The following PTCSC3 variants were observed in gnomAD, a reference collection of about 807,000 sequenced individuals.
The protein encoded by PTCSC3 is papillary thyroid carcinoma susceptibility candidate 3 (non-protein coding).
At chr14:36,135,442 C>T (rs956130725), downstream of PTCSC3, among the ~76,000 whole-genome samples, 1 of 152,150 alleles carries the variant, frequency 6.6e-6, no homozygotes, top group Non-Finnish European at 1.5e-5. Context: ...GTCAGTTTTC[C>T]TCTTTGGCTT....
rs1490165784 is a variant in PTCSC3 at position 36,143,618 on chromosome 14, C to T, written n.323-7262G>A. ...TCCCATTCTGTAGGTTGCCTGTTCACTCTGATGGTAGTTTCTTTTGCTATG... is the reference window on the plus strand; with the variant it reads ...TCCCATTCTGTAGGTTGCCTGTTCATTCTGATGGTAGTTTCTTTTGCTATG... On this transcript the variant is annotated intron_variant and non_coding_transcript_variant, in intron 3 of 3. Transcript: ENST00000556013. Among the ~76,000 whole-genome samples, 91 of 149,504 alleles carry T rather than the reference C, an allele frequency of 6.1e-4. No homozygotes were observed. In the South Asian group the frequency reaches 0.01, roughly 17 times the overall value.
chr14:36,160,421 G>A (rs567509355), intron 2 of PTCSC3, among the ~76,000 whole-genome samples: 1 of 152,152 alleles, frequency 6.6e-6, no homozygotes, highest in Non-Finnish European at 1.5e-5. Flanking sequence ...AGGCAGACCT[G>A]GTGGTGACAA....
chr14:36,149,191 G>C (rs1453304556), intron 3 of PTCSC3, among the ~76,000 whole-genome samples: 1 of 151,826 alleles, frequency 6.6e-6, no homozygotes, highest in Non-Finnish European at 1.5e-5. Context: ...TTGATAAATT[G>C]TATTTTTATT....
intron 3 of PTCSC3, among the ~76,000 whole-genome samples, chr14:36,149,484 A>G (rs1340851843): frequency 1.3e-5 from 2 of 152,228 alleles, no homozygotes; most frequent in Non-Finnish European, 1.5e-5. Flanking sequence ...AAAAATGTCA[A>G]TTAAATCCAG....
chr14:36,162,280 A>AC (rs1881979952), intron 2 of PTCSC3, among the ~76,000 whole-genome samples: 1 of 115,456 alleles, frequency 8.7e-6, no homozygotes, highest in South Asian at 2.9e-4. Flanking sequence ...AAAAAAAAAA[A>AC]AAAAACTCCT....
chr14:36,156,704 G>A (rs1399328722), intron 2 of PTCSC3, among the ~76,000 whole-genome samples: 1 of 152,038 alleles, frequency 6.6e-6, no homozygotes, highest in African/African-American at 2.4e-5. Flanking sequence ...GAGAATGATG[G>A]TTTCCAGCTT....
intron 3 of PTCSC3, among the ~76,000 whole-genome samples, chr14:36,152,419 A>C (rs1881743727): frequency 6.6e-6 from 1 of 152,154 alleles, no homozygotes; most frequent in African/African-American, 2.4e-5. Context: ...TGCACTTGTG[A>C]ATAGCCACTG....
At chr14:36,143,073 T>C (rs1208867019) in intron 3 of PTCSC3, among the ~76,000 whole-genome samples, 1 of 151,804 alleles carries the variant, frequency 6.6e-6, no homozygotes, top group African/African-American at 2.4e-5. Flanking sequence ...GACATTTGGG[T>C]TAGTTCCAAG....
intron 3 of PTCSC3, among the ~76,000 whole-genome samples, chr14:36,147,671 C>T (rs1881611800): frequency 6.6e-6 from 1 of 151,980 alleles, no homozygotes; most frequent in Non-Finnish European, 1.5e-5. Context: ...TCGTCAAAGT[C>T]ATTCTCCGTC....
intron 2 of PTCSC3, among the ~76,000 whole-genome samples, chr14:36,158,068 G>A (rs897055594): frequency 6.6e-6 from 1 of 152,110 alleles, no homozygotes; most frequent in Non-Finnish European, 1.5e-5. Context: ...TATTATTGGT[G>A]TATAGAAATG....
chr14:36,153,289 G>A (rs924559363), intron 3 of PTCSC3, among the ~76,000 whole-genome samples: 1 of 152,116 alleles, frequency 6.6e-6, no homozygotes. Flanking sequence ...TGGGGGTTAG[G>A]ATTTCACATA....
At chr14:36,148,165 C>T (rs1881631066) in intron 3 of PTCSC3, among the ~76,000 whole-genome samples, 1 of 151,984 alleles carries the variant, frequency 6.6e-6, no homozygotes, top group South Asian at 2.1e-4. Flanking sequence ...GGCAGGCAGG[C>T]CTCCTTGAGC....
chr14:36,169,963 C>A (rs937016444), intron 1 of PTCSC3, among the ~76,000 whole-genome samples: 5 of 152,110 alleles, frequency 3.3e-5, no homozygotes, highest in African/African-American at 1.2e-4. Flanking sequence ...TGCAAAAAAT[C>A]TAGGACCATA....
chr14:36,151,817 AT>A (rs1329097126), intron 3 of PTCSC3, among the ~76,000 whole-genome samples: 1 of 152,216 alleles, frequency 6.6e-6, no homozygotes, highest in African/African-American at 2.4e-5. Flanking sequence ...CTCTGGGCAT[AT>A]TTCAAAATGG....
intron 3 of PTCSC3, among the ~76,000 whole-genome samples, chr14:36,139,014 T>C (rs971018365): frequency 2.0e-5 from 3 of 150,224 alleles, no homozygotes; most frequent in African/African-American, 4.9e-5. Flanking sequence ...CTCAGGAGGC[T>C]GAGGCAGGAG....
At chr14:36,150,399 G>T (rs1881693867) in intron 3 of PTCSC3, among the ~76,000 whole-genome samples, 1 of 152,180 alleles carries the variant, frequency 6.6e-6, no homozygotes, top group Non-Finnish European at 1.5e-5. Flanking sequence ...ACCAAAAAGT[G>T]TGCTCGCACC....
chr14:36,145,759 G>T (rs1881548959), intron 3 of PTCSC3, among the ~76,000 whole-genome samples: 2 of 143,574 alleles, frequency 1.4e-5, no homozygotes, highest in Non-Finnish European at 3.1e-5. Flanking sequence ...ATGTTAGGGT[G>T]TCAATTTTGG....
chr14:36,141,648 T>C (rs908815464), intron 3 of PTCSC3, among the ~76,000 whole-genome samples: 1 of 152,044 alleles, frequency 6.6e-6, no homozygotes, highest in Non-Finnish European at 1.5e-5. Context: ...CCACTGTGCC[T>C]GGCCAGAGTT....
intron 1 of PTCSC3, among the ~76,000 whole-genome samples, chr14:36,165,880 A>G (rs1430330259): frequency 6.6e-6 from 1 of 152,148 alleles, no homozygotes; most frequent in African/African-American, 2.4e-5. Flanking sequence ...TTGAAACTGC[A>G]TTTGAAAACT....
Sources: gnomAD v4.1 joint callset for allele counts (sites outside exome capture counted in the v4.1 genomes callset) on GRCh38, gnomAD v4.1.1 for gene constraint, MANE v1.5 for transcripts, NCBI Gene and HGNC (gene_info 2026-07-23, HGNC 2026-07-21) for gene names.